The following BRAF variants were observed in gnomAD, a reference collection of about 807,000 sequenced individuals.
BRAF encodes B-Raf proto-oncogene, serine/threonine kinase, also known as serine/threonine-protein kinase B-raf.
A neutral mutation model predicts 104.6 loss-of-function variants in BRAF; 16 were observed. The ratio of observed to expected loss-of-function variants is 0.15; its 90% CI spans 0.10 to 0.23. BRAF has a LOEUF of 0.23. Among genes scored for constraint, BRAF ranks in the 10% least tolerant of loss-of-function variants. The probability of loss-of-function intolerance (pLI) is 1.00; values close to 1 mark genes in which losing one functional copy is unlikely to be tolerated. For synonymous variants in BRAF, 310 were observed against 341.6 expected (o/e 0.91, Z 1.02); for missense variants, 541 against 937.3 (o/e 0.58, Z 5.52).
intron 14 of BRAF, among the ~76,000 whole-genome samples, chr7:140,763,348 C>A (rs1418270485): frequency 9.5e-5 from 14 of 147,494 alleles, no homozygotes; most frequent in Admixed American, 9.4e-4. Flanking sequence ...GACCCCCCCA[C>A]CTCCCTCCCG....
chr7:140,827,668 A>G (rs1179055658), intron 3 of BRAF, among the ~76,000 whole-genome samples: 3 of 152,222 alleles, frequency 2.0e-5, no homozygotes, highest in Non-Finnish European at 4.4e-5. Context: ...ATTCCCACAC[A>G]TTGATATTCA....
At chr7:140,747,815 T>C (rs988015613) in intron 17 of BRAF, among the ~76,000 whole-genome samples, 8 of 152,174 alleles carry the variant, frequency 5.3e-5, no homozygotes, top group African/African-American at 1.9e-4. Context: ...AAATCAATCA[T>C]TTCAGTGATC....
chr7:140,775,681 A>G (rs1389235043), intron 14 of BRAF, among the ~76,000 whole-genome samples: 1 of 152,208 alleles, frequency 6.6e-6, no homozygotes, highest in African/African-American at 2.4e-5. Context: ...GAACAGATTC[A>G]GAGATTCTAA....
intron 1 of BRAF, among the ~76,000 whole-genome samples, chr7:140,913,807 A>G (rs539317011): frequency 4.3e-4 from 65 of 152,192 alleles, no homozygotes; most frequent in African/African-American, 1.5e-3. Context: ...ATACCAAAAC[A>G]CAAGTCATAA....
intron 1 of BRAF, among the ~76,000 whole-genome samples, chr7:140,874,356 C>T (rs1405858321): frequency 1.3e-5 from 2 of 151,828 alleles, no homozygotes; most frequent in African/African-American, 2.4e-5. Flanking sequence ...CACGCGCCAC[C>T]ATGTCCAGCT....
chr7:140,816,934 G>A (rs1434043446), intron 3 of BRAF, among the ~76,000 whole-genome samples: 2 of 151,194 alleles, frequency 1.3e-5, no homozygotes, highest in African/African-American at 4.9e-5. Context: ...ACTGTTATTC[G>A]ACACACTATT....
intron 3 of BRAF, among the ~76,000 whole-genome samples, chr7:140,831,134 C>A (rs182703320): frequency 3.5e-4 from 53 of 152,248 alleles, no homozygotes; most frequent in Middle Eastern, 3.4e-3. Flanking sequence ...TTGAAGGCAA[C>A]TTAACAACAA....
At chr7:140,853,065 T>C (rs1259659033) in intron 1 of BRAF, among the ~76,000 whole-genome samples, 1 of 152,166 alleles carries the variant, frequency 6.6e-6, no homozygotes, top group Non-Finnish European at 1.5e-5. Context: ...GTTTCTGAAA[T>C]GGCCTCTCCT....
At chr7:140,741,620 T>A (rs916380847) in intron 17 of BRAF, 1 of 152,310 alleles carries the variant, frequency 6.6e-6, no homozygotes, top group East Asian at 1.9e-4. Flanking sequence ...AGACTATGGG[T>A]GCTCAGGCAG....
chr7:140,809,613 G>A (rs533603877), intron 3 of BRAF, among the ~76,000 whole-genome samples: 3 of 152,200 alleles, frequency 2.0e-5, no homozygotes, highest in East Asian at 1.9e-4. Flanking sequence ...CCATACCCCC[G>A]GCAAGAGCAA....
At chr7:140,755,098 C>T (rs1434712376) in intron 14 of BRAF, among the ~76,000 whole-genome samples, 1 of 152,116 alleles carries the variant, frequency 6.6e-6, no homozygotes, top group African/African-American at 2.4e-5. Context: ...ACTGCAACCT[C>T]CACCTCCTGG....
chr7:140,846,733 G>C (rs1808588928), intron 2 of BRAF, among the ~76,000 whole-genome samples: 1 of 152,126 alleles, frequency 6.6e-6, no homozygotes, highest in South Asian at 2.1e-4. Flanking sequence ...TTAAATGGCA[G>C]ATGAGAAACC....
chr7:140,755,282 C>T (rs996592044), intron 14 of BRAF, among the ~76,000 whole-genome samples: 8 of 152,010 alleles, frequency 5.3e-5, no homozygotes, highest in Admixed American at 1.3e-4. Context: ...AATTGAATAC[C>T]GGAGAGAATA....
rs1174062659 is a variant in BRAF, at chr7:140,720,721, T to C, written c.*5773A>G. The stretch of plus-strand genomic sequence containing the variant: ...TCTGTGCCTACTCTGTGAGCTTTGT[T>C]GTTTATGCTAGTTTGCAGTGACTTC... On this transcript the variant is annotated 3_prime_UTR_variant, in exon 20 of 20. Transcript: ENST00000644969. 13 of 1,065,812 alleles carry C rather than the reference T, an allele frequency of 1.2e-5. No homozygotes were observed. The highest frequency in any genetic ancestry group is 1.4e-5 in the Non-Finnish European group (12 of 879,678). The allele number at this position is 1,065,812 out of a possible 1,614,324, so 66.0% of individuals were successfully genotyped here.
chr7:140,821,143 T>TAGC, intron 3 of BRAF, among the ~76,000 whole-genome samples: 1 of 152,030 alleles, frequency 6.6e-6, no homozygotes, highest in East Asian at 1.9e-4. Context: ...AAACTCATGC[T>TAGC]AGCACACCTG....
At chr7:140,906,857 T>C (rs1489148709) in intron 1 of BRAF, among the ~76,000 whole-genome samples, 2 of 152,228 alleles carry the variant, frequency 1.3e-5, no homozygotes, top group Non-Finnish European at 2.9e-5. Flanking sequence ...TCTCCTTGTA[T>C]CTGGGTTTAT....
chr7:140,748,911 A>G (rs764142093), intron 17 of BRAF: 2 of 157,032 alleles, frequency 1.3e-5, no homozygotes, highest in African/African-American at 4.8e-5. Context: ...AATTTAATAT[A>G]AAGATCTCAT....
rs1180340869 is a variant in BRAF, at chr7:140,924,372, T to C, written c.138+194A>G. ...GGGCCAGGGAAACCCCCCGGGCCAT[T>C]GTGTGTGTTTACGTAGGAAGGCGCT... On this transcript the variant is annotated intron_variant, in intron 1 of 19. Coordinates refer to ENST00000644969, the MANE Select transcript of BRAF (RefSeq NM_001374258.1). The surrounding 1 kb of genome is among the most constrained non-coding windows in gnomAD (Gnocchi z 4.2). Among the ~76,000 whole-genome samples the C allele has an allele frequency of 6.6e-6, 1 of 151,890 alleles. No homozygotes were observed. The highest frequency in any genetic ancestry group is 2.4e-5 in the African/African-American group (1 of 41,398).
At chr7:140,856,210 G>C (rs1809761432) in intron 1 of BRAF, among the ~76,000 whole-genome samples, 1 of 151,532 alleles carries the variant, frequency 6.6e-6, no homozygotes, top group Non-Finnish European at 1.5e-5. Flanking sequence ...TACAGGACTA[G>C]CCTAAGAGAT....
Sources: allele counts gnomAD v4.1 joint callset (sites outside exome capture counted in the v4.1 genomes callset), GRCh38; gene constraint gnomAD v4.1.1; non-coding constraint Gnocchi (gnomAD v3.1); transcripts MANE v1.5; gene names NCBI Gene and HGNC (gene_info 2026-07-23, HGNC 2026-07-21).